KCNT2: variants seen among roughly 807,000 people sequenced by gnomAD.
KCNT2 encodes potassium sodium-activated channel subfamily T member 2.
In KCNT2, 67 loss-of-function variants were observed where a neutral mutation model predicts 153.8. That is an observed-to-expected ratio of 0.44 (90% confidence interval 0.36 to 0.53). The LOEUF (loss-of-function observed/expected upper bound fraction) is 0.53, where lower values mean the gene tolerates loss of function less well. Ranked by LOEUF, KCNT2 falls within the 20% of genes least tolerant of loss-of-function variation. The probability of loss-of-function intolerance (pLI) is 0.00; values close to 1 mark genes in which losing one functional copy is unlikely to be tolerated. For missense variants in KCNT2, 975 were observed against 1,354.8 expected (o/e 0.72, Z 4.40); for synonymous variants, 500 against 458.8 (o/e 1.09, Z -1.15).
intron 10 of KCNT2, among the ~76,000 whole-genome samples, chr1:196,427,007 T>C (rs921941034): frequency 6.6e-6 from 1 of 152,068 alleles, no homozygotes; most frequent in African/African-American, 2.4e-5. Flanking sequence ...ATCTCTTTTC[T>C]TTATACATTA....
intron 1 of KCNT2, among the ~76,000 whole-genome samples, chr1:196,541,635 T>C (rs1381156313): frequency 6.6e-6 from 1 of 152,146 alleles, no homozygotes; most frequent in Non-Finnish European, 1.5e-5. Flanking sequence ...ATCTGGCATT[T>C]ACACAGAAAA....
In KCNT2 at chr1:196,412,458, G is replaced by C. The variant is rs192393200; in HGVS notation, c.1185+10592C>G. On this transcript the variant is annotated intron_variant, in intron 12 of 27. Coordinates refer to ENST00000294725, the MANE Select transcript of KCNT2 (RefSeq NM_198503.5). ...TAAAAATGGAAATAATGTTATACTAGGGTACTTTTCCTTCCTTGTATAAAA... is the reference window on the plus strand; with the variant it reads ...TAAAAATGGAAATAATGTTATACTACGGTACTTTTCCTTCCTTGTATAAAA... 2.0e-5 allele frequency among the ~76,000 whole-genome samples: 3 copies of C among 151,638 alleles called. No homozygotes were observed. The East Asian group carries it at 5.8e-4, about 29-fold the overall frequency.
intron 1 of KCNT2, 81 bp downstream of exon 1, chr1:196,608,134 C>T: frequency 7.8e-7 from 1 of 1,288,982 alleles, no homozygotes; most frequent in South Asian, 1.2e-5. Flanking sequence ...CCTTTTCTCC[C>T]TCCTTTCCCC....
Position 196,225,849 on chromosome 1 carries a change from A to T in KCNT2, c.*2375T>A, listed in dbSNP as rs1653451556. 6.6e-6 allele frequency: 1 copy of T among 152,174 alleles called. No homozygotes were observed. Among genetic ancestry groups the T allele is most frequent in the Non-Finnish European group, 1.5e-5 (1 of 67,988 alleles). 9.4% of individuals were successfully genotyped at this position (152,174 alleles called of 1,614,324 possible). A position where few individuals can be genotyped will look rare whatever the true frequency, so the allele number is the denominator to read the frequency against. Reference sequence around the variant, plus strand: ...AATGTAACTGGTAGCAAAATGGTACAGACAATAAACAGAATCAATTCCCAT... The same window carrying T: ...AATGTAACTGGTAGCAAAATGGTACTGACAATAAACAGAATCAATTCCCAT... On this transcript the variant is annotated 3_prime_UTR_variant, in exon 28 of 28. Coordinates refer to ENST00000294725, the MANE Select transcript of KCNT2 (RefSeq NM_198503.5).
intron 25 of KCNT2, among the ~76,000 whole-genome samples, chr1:196,268,977 AAAT>A (rs1367494538): frequency 1.3e-5 from 2 of 152,140 alleles, no homozygotes; most frequent in African/African-American, 4.8e-5. Context: ...TCTAGGTAAA[AAAT>A]AATAATAATA....
chr1:196,578,099 G>C (rs1417843070), intron 1 of KCNT2, among the ~76,000 whole-genome samples: 2 of 151,990 alleles, frequency 1.3e-5, no homozygotes, highest in Non-Finnish European at 1.5e-5. Flanking sequence ...CATTGATATA[G>C]TACAGTGCTC....
rs150829227 is a variant in KCNT2, at chr1:196,427,953, T to C, written c.984+152A>G. The C allele has an allele frequency of 7.4e-4, 393 of 533,752 alleles. 1 individual carries two copies. The highest frequency in any genetic ancestry group is 1.2e-3 in the Non-Finnish European group (358 of 303,962). 33.1% of individuals were successfully genotyped at this position (533,752 alleles called of 1,614,324 possible). On this transcript the variant is annotated intron_variant, in intron 10 of 27. Transcript: ENST00000294725. ...CTCCAGCATTTTTTTTCTATGTTCC[T>C]GGTTATATTTGTGGTTCTTCATTTA...
At chr1:196,476,862 T>G (rs985380049) in intron 5 of KCNT2, among the ~76,000 whole-genome samples, 1 of 152,150 alleles carries the variant, frequency 6.6e-6, no homozygotes, top group South Asian at 2.1e-4. Context: ...TCAAACAACA[T>G]TCTCCATTTA....
intron 8 of KCNT2, among the ~76,000 whole-genome samples, chr1:196,447,245 TAC>T (rs1675764967): frequency 6.6e-6 from 1 of 151,622 alleles, no homozygotes; most frequent in Admixed American, 6.6e-5. Context: ...AAACATGTAT[TAC>T]AGAGCAGTTG....
At chr1:196,336,785 C>T (rs1467270075) in intron 16 of KCNT2, among the ~76,000 whole-genome samples, 2 of 152,184 alleles carry the variant, frequency 1.3e-5, no homozygotes, top group Admixed American at 6.6e-5. Context: ...CAGCCATGAC[C>T]TATCAGACAT....
At chr1:196,404,126 A>G in intron 12 of KCNT2, 1 of 976,998 alleles carries the variant, frequency 1.0e-6, no homozygotes, top group Non-Finnish European at 1.2e-6. Context: ...TCTCTGTCTC[A>G]CTTACCTTGC....
intron 1 of KCNT2, among the ~76,000 whole-genome samples, chr1:196,536,671 T>C (rs1655614903): frequency 6.6e-6 from 1 of 152,184 alleles, no homozygotes; most frequent in African/African-American, 2.4e-5. Context: ...TGGATGTCTA[T>C]GCCATTCCAG....
intron 9 of KCNT2, among the ~76,000 whole-genome samples, chr1:196,428,752 A>C (rs369353172): frequency 6.6e-6 from 1 of 152,054 alleles, no homozygotes; most frequent in East Asian, 1.9e-4. Context: ...AATTTATCGG[A>C]GCAGGAAGGC....
At chr1:196,324,404 C>G (rs1252803566) in intron 19 of KCNT2, among the ~76,000 whole-genome samples, 1 of 151,918 alleles carries the variant, frequency 6.6e-6, no homozygotes, top group African/African-American at 2.4e-5. Flanking sequence ...TGAAAAAGGT[C>G]ATTCACCTTC....
intron 1 of KCNT2, among the ~76,000 whole-genome samples, chr1:196,550,177 C>A (rs538264271): frequency 6.6e-6 from 1 of 151,954 alleles, no homozygotes; most frequent in South Asian, 2.1e-4. Context: ...ATCCCACTCC[C>A]ATATGCTTAT....
At chr1:196,531,374 C>CT (rs1654917399) in intron 1 of KCNT2, among the ~76,000 whole-genome samples, 5 of 152,086 alleles carry the variant, frequency 3.3e-5, no homozygotes, top group Admixed American at 3.3e-4. Flanking sequence ...GCCACACTGA[C>CT]TTACATTTAA....
chr1:196,403,955 A>G (rs1671628213), intron 12 of KCNT2, among the ~76,000 whole-genome samples: 1 of 151,746 alleles, frequency 6.6e-6, no homozygotes, highest in African/African-American at 2.4e-5. Flanking sequence ...GCAACAGTTG[A>G]CTTGTAGACC....
chr1:196,474,437 A>T (rs1185415518), intron 5 of KCNT2, among the ~76,000 whole-genome samples: 1 of 152,142 alleles, frequency 6.6e-6, no homozygotes, highest in Admixed American at 6.5e-5. Context: ...CTACATATAA[A>T]CCCAACAATA....
chr1:196,467,911 A>C (rs1361655599), intron 6 of KCNT2, 125 bp from the exon 7 acceptor site: 2 of 482,122 alleles, frequency 4.1e-6, no homozygotes, highest in South Asian at 5.3e-5. Flanking sequence ...ATGACAAATA[A>C]TGTAAACTCA....
Sources: gnomAD v4.1 joint callset for allele counts (sites outside exome capture counted in the v4.1 genomes callset) on GRCh38, gnomAD v4.1.1 for gene constraint, MANE v1.5 for transcripts, NCBI Gene and HGNC (gene_info 2026-07-23, HGNC 2026-07-21) for gene names.